SERGEF: variants seen among roughly 807,000 people sequenced by gnomAD.
SERGEF encodes the protein secretion regulating guanine nucleotide exchange factor, also known as secretion-regulating guanine nucleotide exchange factor.
In SERGEF, 51 loss-of-function variants were observed where a neutral mutation model predicts 50.0. The ratio of observed to expected loss-of-function variants is 1.02; its 90% CI spans 0.81 to 1.29. SERGEF has a LOEUF of 1.29. SERGEF is among the 50% of genes most tolerant of loss of function. The pLI, the probability that SERGEF is intolerant of heterozygous loss-of-function variation, is 0.00. For missense variants in SERGEF, 521 were observed against 557.0 expected (o/e 0.94, Z 0.65); for synonymous variants, 205 against 212.4 (o/e 0.97, Z 0.30).
At position 17,927,712 on chromosome 11, in the gene SERGEF, C is replaced by A. The variant is rs116420396; in HGVS notation, c.1011+31758G>T. Among the ~76,000 whole-genome samples, 752 of 152,352 alleles carry A rather than the reference C, an allele frequency of 4.9e-3. 3 individuals are homozygous for A. Among genetic ancestry groups the A allele is most frequent in the African/African-American group, 0.017 (720 of 41,574 alleles). ...GCTACTCAGAACACAGAATTGAAATCATCTGGGAACCTGTTAGAAGTGGAA... is the reference window on the plus strand; with the variant it reads ...GCTACTCAGAACACAGAATTGAAATAATCTGGGAACCTGTTAGAAGTGGAA... On this transcript the variant is annotated intron_variant, in intron 9 of 10. Transcript: ENST00000265965.
At chr11:17,844,921 A>AC (rs1260867759) in intron 10 of SERGEF, among the ~76,000 whole-genome samples, 201 of 126,074 alleles carry the variant, frequency 1.6e-3, no homozygotes, top group African/African-American at 5.0e-3. Context: ...AACAAAACAA[A>AC]CAAACAAAAA....
intron 9 of SERGEF, among the ~76,000 whole-genome samples, chr11:17,908,322 T>A (rs1182110792): frequency 6.6e-6 from 1 of 152,196 alleles, no homozygotes; most frequent in African/African-American, 2.4e-5. Flanking sequence ...ATGTGCAGCT[T>A]TGGATCTTCA....
chr11:17,993,029 A>C, intron 6 of SERGEF, 36 bp from the exon 7 acceptor site: 1 of 1,579,118 alleles, frequency 6.3e-7, no homozygotes, highest in African/African-American at 1.3e-5. Flanking sequence ...AATTACATTT[A>C]TAACAGAACA....
At chr11:17,810,082 G>C (rs77883563) in intron 10 of SERGEF, among the ~76,000 whole-genome samples, 3,034 of 152,248 alleles carry the variant, frequency 0.02, 84 homozygotes, top group African/African-American at 0.068. Flanking sequence ...GAGGTCTTCT[G>C]TCATGATATG....
intron 9 of SERGEF, among the ~76,000 whole-genome samples, chr11:17,905,105 T>C (rs1851813566): frequency 6.6e-6 from 1 of 152,226 alleles, no homozygotes; most frequent in African/African-American, 2.4e-5. Flanking sequence ...TGCATTTCAG[T>C]TGTAACATCA....
intron 10 of SERGEF, among the ~76,000 whole-genome samples, chr11:17,793,289 A>AC (rs1156587067): frequency 6.6e-6 from 1 of 152,352 alleles, no homozygotes; most frequent in Admixed American, 6.5e-5. Context: ...TGGGGTTTCC[A>AC]AACACTTTAA....
At chr11:17,998,013 A>G (rs1853873420) in intron 5 of SERGEF, among the ~76,000 whole-genome samples, 1 of 152,198 alleles carries the variant, frequency 6.6e-6, no homozygotes, top group Non-Finnish European at 1.5e-5. Context: ...TTAAGATAAT[A>G]AACTGTAAAC....
chr11:17,949,922 T>G (rs1166054697), intron 9 of SERGEF, among the ~76,000 whole-genome samples: 1 of 152,146 alleles, frequency 6.6e-6, no homozygotes, highest in East Asian at 1.9e-4. Context: ...AAATAGGTAG[T>G]AGTTGTCCAA....
chr11:17,886,481 G>C (rs1202250887), intron 9 of SERGEF, among the ~76,000 whole-genome samples: 1 of 152,070 alleles, frequency 6.6e-6, no homozygotes, highest in African/African-American at 2.4e-5. Flanking sequence ...GCGTGGTGAA[G>C]TGTGCCTGTA....
At chr11:17,946,770 T>C (rs1391590905) in intron 9 of SERGEF, among the ~76,000 whole-genome samples, 1 of 152,158 alleles carries the variant, frequency 6.6e-6, no homozygotes. Flanking sequence ...ATGCCTATAT[T>C]TCTATGCCCC....
intron 7 of SERGEF, among the ~76,000 whole-genome samples, chr11:17,989,505 A>G (rs1166008362): frequency 6.6e-6 from 1 of 152,268 alleles, no homozygotes. Context: ...ACTGGTAACA[A>G]GAATGACTGG....
intron 9 of SERGEF, among the ~76,000 whole-genome samples, chr11:17,954,224 G>A (rs148102216): frequency 4.8e-4 from 73 of 152,310 alleles, no homozygotes; most frequent in Non-Finnish European, 1.0e-3. Context: ...TCAGCTGATT[G>A]CTGGTGGTAG....
chr11:17,919,040 C>G (rs1287714650), intron 9 of SERGEF, among the ~76,000 whole-genome samples: 2 of 152,156 alleles, frequency 1.3e-5, no homozygotes, highest in Non-Finnish European at 2.9e-5. Flanking sequence ...GCATATTACT[C>G]ATCATATTAC....
At chr11:17,850,497 C>T (rs1206334279) in intron 10 of SERGEF, among the ~76,000 whole-genome samples, 1 of 152,178 alleles carries the variant, frequency 6.6e-6, no homozygotes, top group East Asian at 1.9e-4. Flanking sequence ...CTGAACAGCA[C>T]AACTGATCAT....
At chr11:17,922,038 T>C (rs1204975047) in intron 9 of SERGEF, among the ~76,000 whole-genome samples, 1 of 152,068 alleles carries the variant, frequency 6.6e-6, no homozygotes, top group Non-Finnish European at 1.5e-5. Context: ...CATGGACTTG[T>C]CTCAAAGATG....
At chr11:17,906,737 G>A (rs1200632987) in intron 9 of SERGEF, among the ~76,000 whole-genome samples, 2 of 150,316 alleles carry the variant, frequency 1.3e-5, no homozygotes, top group Non-Finnish European at 2.9e-5. Context: ...CAAATTCACA[G>A]TTCCTAGTAA....
chr11:17,870,326 G>A (rs1278683870), intron 10 of SERGEF, among the ~76,000 whole-genome samples: 2 of 152,234 alleles, frequency 1.3e-5, no homozygotes, highest in African/African-American at 4.8e-5. Context: ...CAGGGATGAT[G>A]TAATCAGAAA....
intron 10 of SERGEF, chr11:17,855,186 G>C (rs1227914834): frequency 6.6e-6 from 1 of 152,100 alleles, no homozygotes; most frequent in Non-Finnish European, 1.5e-5. Flanking sequence ...TACAACCTCA[G>C]AAGGCCTATA....
chr11:17,910,729 C>T (rs1851936269), intron 9 of SERGEF, among the ~76,000 whole-genome samples: 1 of 152,114 alleles, frequency 6.6e-6, no homozygotes, highest in African/African-American at 2.4e-5. Flanking sequence ...TCAGAAATTA[C>T]ATGTGCCCTC....
Sources: allele counts gnomAD v4.1 joint callset (sites outside exome capture counted in the v4.1 genomes callset), GRCh38; gene constraint gnomAD v4.1.1; transcripts MANE v1.5; gene names NCBI Gene and HGNC (gene_info 2026-07-23, HGNC 2026-07-21).